Variants in CTNNA1 observed in about 807,000 individuals in gnomAD.
CTNNA1 encodes the protein catenin alpha-1.
In CTNNA1, 37 loss-of-function variants were observed where a neutral mutation model predicts 98.4. That is an observed-to-expected ratio of 0.38 (90% confidence interval 0.29 to 0.49). The LOEUF (loss-of-function observed/expected upper bound fraction) is 0.49. Ranked by LOEUF, CTNNA1 falls within the 20% of genes least tolerant of loss-of-function variation. CTNNA1 has a pLI of 0.95. For missense variants in CTNNA1, 761 were observed against 1,147.2 expected (o/e 0.66, Z 4.86); for synonymous variants, 404 against 413.2 (o/e 0.98, Z 0.27).
intron 3 of CTNNA1, among the ~76,000 whole-genome samples, chr5:138,804,359 G>C (rs540240151): frequency 2.2e-5 from 2 of 90,592 alleles, no homozygotes; most frequent in East Asian, 1.4e-3. Flanking sequence ...GCACAATTCA[G>C]TGGTTTTTAG....
intron 7 of CTNNA1, among the ~76,000 whole-genome samples, chr5:138,842,225 G>A (rs548754577): frequency 3.3e-5 from 5 of 152,180 alleles, no homozygotes; most frequent in East Asian, 3.9e-4. Flanking sequence ...GCCTGAGCCC[G>A]GGAAGTTGAG....
At chr5:138,852,871 G>GCGCATACACACACGCGCGCGCGCA (rs869240008) in intron 7 of CTNNA1, among the ~76,000 whole-genome samples, 1 of 151,240 alleles carries the variant, frequency 6.6e-6, no homozygotes, top group Non-Finnish European at 1.5e-5. Flanking sequence ...GCGCGCGCGC[G>GCGCATACACACACGCGCGCGCGCA]CACACACACA....
In CTNNA1 at chr5:138,873,724, A is replaced by G. The variant is rs748454528; in HGVS notation, c.1063-12488A>G. 1.3e-5 allele frequency: 21 copies of G among 1,613,910 alleles called. No homozygotes were observed. The South Asian group carries it at 2.3e-4, about 18-fold the overall frequency. On this transcript the variant is annotated intron_variant, in intron 7 of 17. Transcript: ENST00000302763. The surrounding 1 kb of genome is among the most constrained non-coding windows in gnomAD (Gnocchi z 6.1). ...TGTTGTTATCCATGAGGAGTATTTT[A>G]AGATTGGGCATCGTTTCAAACACTG...
intron 7 of CTNNA1, among the ~76,000 whole-genome samples, chr5:138,880,439 C>T (rs1752639241): frequency 6.6e-6 from 1 of 152,184 alleles, no homozygotes; most frequent in South Asian, 2.1e-4. Flanking sequence ...ATGCCCAGAC[C>T]ATCTTGAAGT....
intron 1 of CTNNA1, among the ~76,000 whole-genome samples, chr5:138,758,697 A>G (rs1368387772): frequency 1.3e-5 from 2 of 152,006 alleles, no homozygotes; most frequent in South Asian, 2.1e-4. Flanking sequence ...TTTAAAATAC[A>G]TTATTTTCTT....
At chr5:138,866,343 A>G (rs1046727679) in intron 7 of CTNNA1, among the ~76,000 whole-genome samples, 13 of 149,622 alleles carry the variant, frequency 8.7e-5, no homozygotes, top group Non-Finnish European at 1.9e-4. Context: ...TACAAATACT[A>G]GGGCCTAAAG....
intron 5 of CTNNA1, among the ~76,000 whole-genome samples, chr5:138,819,710 G>T (rs1168153624): frequency 2.0e-5 from 3 of 152,148 alleles, no homozygotes; most frequent in Non-Finnish European, 4.4e-5. Flanking sequence ...CTAGTGTGGG[G>T]TGACTCCTCT....
intron 1 of CTNNA1, among the ~76,000 whole-genome samples, chr5:138,777,988 CT>C (rs777826985): frequency 0.027 from 401 of 14,858 alleles, 49 homozygotes; most frequent in African/African-American, 0.11. Context: ...CTTAATCTGT[CT>C]TTTTTTTTTT....
At position 138,932,762 on chromosome 5, in the gene CTNNA1, TGTCAGAAATGAAA is replaced by T. The variant is rs28363501; in HGVS notation, c.2433+55_2433+67del. 24 of 1,606,874 alleles carry T rather than the reference TGTCAGAAATGAAA, an allele frequency of 1.5e-5. No individual in the cohort carries two copies. The African/African-American group carries it at 2.0e-4, about 13-fold the overall frequency. The stretch of plus-strand genomic sequence containing the variant: ...GGGCCAGTGGGAACGTGCTGACCCT[TGTCAGAAATGAAA>T]GTCACCTCCTATCCGCATAAACACC... On this transcript the variant is annotated intron_variant, in intron 17 of 17. Transcript: ENST00000302763.
At chr5:138,894,984 A>T (rs1226873861) in intron 9 of CTNNA1, among the ~76,000 whole-genome samples, 2 of 152,016 alleles carry the variant, frequency 1.3e-5, no homozygotes, top group Admixed American at 1.3e-4. Flanking sequence ...TTTTTCATTC[A>T]CCAGTTTTAC....
At chr5:138,803,256 C>T (rs1455515124) in intron 3 of CTNNA1, among the ~76,000 whole-genome samples, 1 of 151,566 alleles carries the variant, frequency 6.6e-6, no homozygotes, top group Non-Finnish European at 1.5e-5. Context: ...TGGGCTCAAG[C>T]GATCATCCCA....
At chr5:138,764,744 T>C (rs977549336) in intron 1 of CTNNA1, among the ~76,000 whole-genome samples, 1 of 152,000 alleles carries the variant, frequency 6.6e-6, no homozygotes, top group African/African-American at 2.4e-5. Flanking sequence ...GTGCTGGGAT[T>C]ATAGGTGTGT....
At chr5:138,920,144 AATTTTTTGT>A (rs1762613517) in intron 11 of CTNNA1, among the ~76,000 whole-genome samples, 1 of 151,750 alleles carries the variant, frequency 6.6e-6, no homozygotes, top group Admixed American at 6.6e-5. Context: ...ATGCCTGGCT[AATTTTTTGT>A]ATTTTTAGGA....
intron 7 of CTNNA1, among the ~76,000 whole-genome samples, chr5:138,856,035 T>C (rs1336817469): frequency 6.6e-6 from 1 of 152,234 alleles, no homozygotes; most frequent in Non-Finnish European, 1.5e-5. Flanking sequence ...TCCAAAATCC[T>C]GAAACTTGTT....
At chr5:138,814,369 C>T (rs1197977615) in intron 5 of CTNNA1, among the ~76,000 whole-genome samples, 1 of 152,050 alleles carries the variant, frequency 6.6e-6, no homozygotes, top group African/African-American at 2.4e-5. Flanking sequence ...CTGCCTCAGC[C>T]TCCCGTCAGT....
At chr5:138,773,283 G>A (rs1753746300) in intron 1 of CTNNA1, among the ~76,000 whole-genome samples, 3 of 152,190 alleles carry the variant, frequency 2.0e-5, no homozygotes, top group Admixed American at 1.3e-4. Flanking sequence ...AAATTAAGCA[G>A]GGTAATAAGT....
At chr5:138,861,512 C>A (rs1764277691) in intron 7 of CTNNA1, among the ~76,000 whole-genome samples, 1 of 152,182 alleles carries the variant, frequency 6.6e-6, no homozygotes, top group South Asian at 2.1e-4. Context: ...AGATTACTGC[C>A]TATTCTTAAA....
intron 1 of CTNNA1, among the ~76,000 whole-genome samples, chr5:138,759,077 A>G (rs887786193): frequency 4.6e-5 from 7 of 152,236 alleles, no homozygotes; most frequent in Non-Finnish European, 8.8e-5. Context: ...TACTGGGATT[A>G]CAGGCATGAG....
In CTNNA1 at chr5:138,824,521, C is replaced by T. The variant is rs1581167188; in HGVS notation, c.589-9C>T. 9 of 1,611,750 alleles carry T rather than the reference C, an allele frequency of 5.6e-6. No homozygotes were observed. Among genetic ancestry groups the T allele is most frequent in the Non-Finnish European group, 7.6e-6 (9 of 1,178,120 alleles). Reference sequence around the variant, plus strand: ...GTGCTCCAATTTCTTGTTTTATTTACTCTTGTAGGAATTGAAAGATGTTGG... The same window carrying T: ...GTGCTCCAATTTCTTGTTTTATTTATTCTTGTAGGAATTGAAAGATGTTGG... On this transcript the variant is annotated splice_polypyrimidine_tract_variant and intron_variant, in intron 5 of 17. Coordinates refer to ENST00000302763, the MANE Select transcript of CTNNA1 (RefSeq NM_001903.5).
Sources: allele counts gnomAD v4.1 joint callset (sites outside exome capture counted in the v4.1 genomes callset), GRCh38; gene constraint gnomAD v4.1.1; non-coding constraint Gnocchi (gnomAD v3.1); transcripts MANE v1.5; gene names NCBI Gene and HGNC (gene_info 2026-07-23, HGNC 2026-07-21).